PPP4R2: variants seen among roughly 807,000 people sequenced by gnomAD.
PPP4R2 encodes the protein serine/threonine-protein phosphatase 4 regulatory subunit 2.
PPP4R2 carries 13 observed loss-of-function variants against 47.2 expected under a neutral mutation model. The observed-to-expected ratio is 0.28, with a 90% CI of 0.18 to 0.44. The LOEUF (loss-of-function observed/expected upper bound fraction) is 0.44, where lower values mean the gene tolerates loss of function less well. Ranked by LOEUF, PPP4R2 falls within the 20% of genes least tolerant of loss-of-function variation. PPP4R2 has a pLI of 1.00. For missense variants in PPP4R2, 421 were observed against 491.2 expected (o/e 0.86, Z 1.35); for synonymous variants, 151 against 163.3 (o/e 0.92, Z 0.57).
At chr3:72,997,954 A>G (rs1392983277) in intron 1 of PPP4R2, 123 bp from the exon 2 acceptor site, 2 of 709,398 alleles carry the variant, frequency 2.8e-6, no homozygotes, top group Non-Finnish European at 2.5e-6. Flanking sequence ...TTTGGTTGAG[A>G]GGCCTTATTT....
chr3:73,031,999 A>G (rs1014864219), intron 2 of PPP4R2, among the ~76,000 whole-genome samples: 21 of 152,240 alleles, frequency 1.4e-4, no homozygotes, highest in African/African-American at 4.3e-4. Flanking sequence ...CAGAGAGGCT[A>G]GGGTTATCTG....
intron 2 of PPP4R2, among the ~76,000 whole-genome samples, chr3:73,020,736 C>G (rs1370769566): frequency 6.6e-6 from 1 of 151,400 alleles, no homozygotes. Context: ...CTGTGTTGCC[C>G]AGGCTGGTCT....
At position 73,067,468 on chromosome 3, in the gene PPP4R2, A is replaced by G. The variant is rs1703022578; in HGVS notation, c.*1746A>G. 1 of 152,152 alleles carries G rather than the reference A, an allele frequency of 6.6e-6. No individual in the cohort carries two copies. The highest frequency in any genetic ancestry group is 1.5e-5 in the Non-Finnish European group (1 of 68,002). 9.4% of individuals were successfully genotyped at this position (152,152 alleles called of 1,614,324 possible). Reference sequence around the variant, plus strand: ...GTCAGGTTCACAACAGCTAGATGATATATTTATGACTATGTCTAATAGTTG... The same window carrying G: ...GTCAGGTTCACAACAGCTAGATGATGTATTTATGACTATGTCTAATAGTTG... On this transcript the variant is annotated 3_prime_UTR_variant, in exon 9 of 9. Transcript: ENST00000356692.
intron 2 of PPP4R2, among the ~76,000 whole-genome samples, chr3:73,016,598 C>G (rs1346960343): frequency 2.0e-5 from 3 of 151,998 alleles, no homozygotes; most frequent in Non-Finnish European, 4.4e-5. Context: ...TTAACCAAGT[C>G]TTAGTTTTAC....
At chr3:73,011,137 C>T (rs1298760698) in intron 2 of PPP4R2, among the ~76,000 whole-genome samples, 1 of 152,202 alleles carries the variant, frequency 6.6e-6, no homozygotes, top group Non-Finnish European at 1.5e-5. Context: ...TTACATCCTC[C>T]TCCTCTACTG....
intron 3 of PPP4R2, among the ~76,000 whole-genome samples, chr3:73,057,226 A>G (rs897183622): frequency 6.6e-6 from 1 of 152,134 alleles, no homozygotes; most frequent in Non-Finnish European, 1.5e-5. Context: ...ATGCTTAAAC[A>G]TTTTTAAAGT....
intron 2 of PPP4R2, among the ~76,000 whole-genome samples, chr3:73,008,266 A>G (rs1292301125): frequency 6.6e-6 from 1 of 152,228 alleles, no homozygotes; most frequent in Non-Finnish European, 1.5e-5. Flanking sequence ...TTCAGTAAAT[A>G]TAAGTTGAAT....
At chr3:73,063,817 C>T in intron 6 of PPP4R2, 70 bp downstream of exon 6, 1 of 1,245,596 alleles carries the variant, frequency 8.0e-7, no homozygotes, top group South Asian at 1.2e-5. Flanking sequence ...GCTTAGTGTA[C>T]TTTTTAAAAA....
At chr3:73,035,255 C>G (rs1374954444) in intron 2 of PPP4R2, among the ~76,000 whole-genome samples, 1 of 152,088 alleles carries the variant, frequency 6.6e-6, no homozygotes, top group Non-Finnish European at 1.5e-5. Flanking sequence ...AAAAGACAAG[C>G]CAGGCATGGT....
intron 2 of PPP4R2, among the ~76,000 whole-genome samples, chr3:73,021,848 ATGTGTGTGTGTGTG>A (rs34010770): frequency 3.1e-5 from 4 of 130,972 alleles, no homozygotes; most frequent in African/African-American, 8.8e-5. Flanking sequence ...ACATTTCTAT[ATGTGTGTGTGTGTG>A]TGTGTGTGTG....
chr3:73,005,166 C>G (rs1701580189), intron 2 of PPP4R2, among the ~76,000 whole-genome samples: 1 of 152,100 alleles, frequency 6.6e-6, no homozygotes, highest in Admixed American at 6.6e-5. Context: ...TGGTCTCAAA[C>G]TCTTGACCTC....
At chr3:73,003,656 T>G (rs1381517029) in intron 2 of PPP4R2, among the ~76,000 whole-genome samples, 1 of 152,094 alleles carries the variant, frequency 6.6e-6, no homozygotes, top group Non-Finnish European at 1.5e-5. Context: ...TTTAATAGAT[T>G]ATTGAAAAGC....
chr3:73,065,711 G>C lies in PPP4R2; in HGVS notation c.1243G>C (p.Glu415Gln). 1.3e-6 allele frequency: 2 copies of C among 1,596,672 alleles called. No homozygotes were observed. The highest frequency in any genetic ancestry group is 1.7e-6 in the Non-Finnish European group (2 of 1,168,176). ...EATEVTDEPM[E>Q]QD ...CACAGAAGTCACCGATGAACCAATG[G>C]AACAAGACTAACTATTTAGAAACAT... The change falls in exon 9 of 9, where the codon GAA (glutamate) becomes CAA (glutamine). Residue 415 changes from glutamate (E) to glutamine (Q), a missense_variant. Around this residue, in one of 2 missense-constraint regions of PPP4R2, gnomAD observed 317 missense variants for 287.5 expected, o/e 1.10. Coordinates refer to ENST00000356692, the MANE Select transcript of PPP4R2 (RefSeq NM_174907.4).
At chr3:73,046,566 T>G (rs1424491504) in intron 2 of PPP4R2, among the ~76,000 whole-genome samples, 1 of 152,184 alleles carries the variant, frequency 6.6e-6, no homozygotes, top group South Asian at 2.1e-4. Flanking sequence ...TGAATAGATG[T>G]GAAAAGTACC....
intron 3 of PPP4R2, among the ~76,000 whole-genome samples, chr3:73,053,689 CATGAG>C (rs1702666956): frequency 1.3e-5 from 2 of 151,458 alleles, no homozygotes; most frequent in African/African-American, 4.9e-5. Context: ...GCAGGCGGAT[CATGAG>C]GTCAGGAGAT....
intron 5 of PPP4R2, 94 bp from the exon 6 acceptor site, chr3:73,063,579 G>GCACCACTGCACTCCATTC: frequency 2.9e-6 from 2 of 692,932 alleles, no homozygotes; most frequent in South Asian, 1.7e-5. Context: ...AGCTGAGATT[G>GCACCACTGCACTCCATTC]CACCACTGCA....
chr3:73,050,218 G>C (rs964144536), intron 3 of PPP4R2, among the ~76,000 whole-genome samples: 2 of 152,086 alleles, frequency 1.3e-5, no homozygotes, highest in Non-Finnish European at 1.5e-5. Context: ...ACCTGCCTCA[G>C]CCTCCCAAAG....
chr3:73,034,846 T>TAAAAA (rs57719588), intron 2 of PPP4R2, among the ~76,000 whole-genome samples: 60 of 147,286 alleles, frequency 4.1e-4, no homozygotes, highest in African/African-American at 1.5e-3. Context: ...GTTTTGTTCT[T>TAAAAA]AAAAAAAAAA....
At chr3:73,057,699 C>G (rs1702755048) in intron 3 of PPP4R2, among the ~76,000 whole-genome samples, 1 of 151,980 alleles carries the variant, frequency 6.6e-6, no homozygotes, top group Non-Finnish European at 1.5e-5. Flanking sequence ...AGTATTGACA[C>G]AAAGAATATG....
Sources: gnomAD v4.1 joint callset for allele counts (sites outside exome capture counted in the v4.1 genomes callset) on GRCh38, gnomAD v4.1.1 for gene constraint, gnomAD v4.1.1 regional missense constraint, MANE v1.5 for transcripts, NCBI Gene and HGNC (gene_info 2026-07-23, HGNC 2026-07-21) for gene names.